The following DSCAM variants were observed in gnomAD, a reference collection of about 807,000 sequenced individuals.
DSCAM encodes DS cell adhesion molecule, also known as cell adhesion molecule DSCAM.
DSCAM carries 47 observed loss-of-function variants against 217.7 expected under a neutral mutation model. The observed-to-expected ratio is 0.22, with a 90% confidence interval of 0.17 to 0.28. The LOEUF is 0.28. DSCAM is among the 10% of genes least tolerant of loss of function. The pLI is 1.00. For synonymous variants in DSCAM, 1,056 were observed against 1,015.3 expected (o/e 1.04, Z -0.76); for missense variants, 2,080 against 2,618.3 (o/e 0.79, Z 4.49).
chr21:40,130,862 A>C (rs2090147940), intron 19 of DSCAM, among the ~76,000 whole-genome samples: 1 of 152,198 alleles, frequency 6.6e-6, no homozygotes, highest in South Asian at 2.1e-4. Context: ...TTTTAGTATG[A>C]CCAGTGACCT....
At chr21:40,295,620 A>G (rs1186038996) in intron 10 of DSCAM, among the ~76,000 whole-genome samples, 1 of 152,198 alleles carries the variant, frequency 6.6e-6, no homozygotes, top group African/African-American at 2.4e-5. Flanking sequence ...AATCAATGAT[A>G]TTATCTTTAA....
At chr21:40,739,538 G>A (rs1601195902) in intron 1 of DSCAM, among the ~76,000 whole-genome samples, 1 of 152,168 alleles carries the variant, frequency 6.6e-6, no homozygotes, top group African/African-American at 2.4e-5. Context: ...CTCTGTGTGA[G>A]TCTTTGTCCT....
At chr21:40,563,612 ACATGTTTATATATAGT>A in intron 3 of DSCAM, among the ~76,000 whole-genome samples, 1 of 146,392 alleles carries the variant, frequency 6.8e-6, no homozygotes, top group Non-Finnish European at 1.5e-5. Context: ...ATATATGTTT[ACATGTTTATATATAGT>A]TATATGTGTA....
chr21:40,824,483 T>TTC, intron 1 of DSCAM, among the ~76,000 whole-genome samples: 1 of 149,994 alleles, frequency 6.7e-6, no homozygotes, highest in Middle Eastern at 3.4e-3. Flanking sequence ...AAACATGGTT[T>TTC]TCTGCAACCT....
chr21:40,688,293 C>T (rs1352932937), intron 3 of DSCAM, among the ~76,000 whole-genome samples: 5 of 152,094 alleles, frequency 3.3e-5, no homozygotes, highest in Admixed American at 2.0e-4. Flanking sequence ...GAAACAGAAA[C>T]GGAAGGCTGG....
intron 10 of DSCAM, among the ~76,000 whole-genome samples, chr21:40,277,554 G>A (rs8128935): frequency 0.029 from 4,449 of 152,122 alleles, 204 homozygotes; most frequent in African/African-American, 0.1. Context: ...CACATTGAAT[G>A]AGGAGATCAA....
At chr21:40,507,780 T>G (rs2076221476) in intron 3 of DSCAM, among the ~76,000 whole-genome samples, 1 of 152,058 alleles carries the variant, frequency 6.6e-6, no homozygotes, top group Non-Finnish European at 1.5e-5. Flanking sequence ...ACAGCAAGAC[T>G]CTGTCTCAAA....
chr21:40,728,072 C>T (rs1340572516), intron 1 of DSCAM, among the ~76,000 whole-genome samples: 2 of 152,136 alleles, frequency 1.3e-5, no homozygotes, highest in Admixed American at 6.5e-5. Context: ...GTAAAGATGG[C>T]GGCACTTCCA....
intron 8 of DSCAM, among the ~76,000 whole-genome samples, chr21:40,320,777 G>A (rs2074250649): frequency 6.6e-6 from 1 of 152,154 alleles, no homozygotes; most frequent in Non-Finnish European, 1.5e-5. Context: ...AGAACAGTAT[G>A]AGGAAACTGC....
chr21:40,690,149 T>C (rs147418787), intron 3 of DSCAM, among the ~76,000 whole-genome samples: 130 of 152,338 alleles, frequency 8.5e-4, no homozygotes, highest in Non-Finnish European at 1.4e-3. Context: ...AGATCTCCAA[T>C]GTTTTAAACC....
chr21:40,424,082 A>G (rs2123825974), intron 3 of DSCAM, among the ~76,000 whole-genome samples: 1 of 152,332 alleles, frequency 6.6e-6, no homozygotes, highest in South Asian at 2.1e-4. Flanking sequence ...TCCTATTTTT[A>G]AATTTTGCAA....
intron 30 of DSCAM, among the ~76,000 whole-genome samples, chr21:40,048,959 G>A (rs1479524638): frequency 1.3e-5 from 2 of 148,572 alleles, no homozygotes; most frequent in Non-Finnish European, 3.0e-5. Context: ...TGGTTTTTGA[G>A]GAAGATTTAA....
intron 32 of DSCAM, among the ~76,000 whole-genome samples, chr21:40,037,911 T>C (rs983104976): frequency 1.4e-5 from 2 of 147,860 alleles, no homozygotes; most frequent in African/African-American, 5.1e-5. Flanking sequence ...AAACAAGCAA[T>C]GGGGAAAGGA....
rs867572207 is a variant in DSCAM at position 40,821,393 on chromosome 21, G to A, written c.43+25226C>T. Among the ~76,000 whole-genome samples the A allele has an allele frequency of 4.9e-3, 723 of 146,214 alleles. 1 individual carries two copies. Among genetic ancestry groups the A allele is most frequent in the East Asian group, 0.022 (107 of 4,918 alleles). Reference sequence around the variant, plus strand: ...CATGCACACACACAGACACACGCGCGCACACACACACACACACACACACAC... The same window carrying A: ...CATGCACACACACAGACACACGCGCACACACACACACACACACACACACAC... On this transcript the variant is annotated intron_variant, in intron 1 of 32. Transcript: ENST00000400454.
At chr21:40,295,553 C>G (rs2073944951) in intron 10 of DSCAM, among the ~76,000 whole-genome samples, 1 of 152,018 alleles carries the variant, frequency 6.6e-6, no homozygotes, top group Non-Finnish European at 1.5e-5. Flanking sequence ...TTAAAAAGAG[C>G]ACGCCAAGGA....
intron 3 of DSCAM, among the ~76,000 whole-genome samples, chr21:40,672,093 C>T (rs1272772300): frequency 6.6e-6 from 1 of 152,194 alleles, no homozygotes; most frequent in African/African-American, 2.4e-5. Flanking sequence ...GTCTCTCCCA[C>T]TTCTTATAAG....
rs1601302580 is a variant in DSCAM at position 40,075,174 on chromosome 21, T to C, written c.4751A>G (p.Glu1584Gly). Residue 1584 changes from glutamate to glycine, a missense_variant, in exon 27 of 33, where the codon GAA (glutamate) becomes GGA (glycine). Glu to Gly is a moderately conservative substitution (Grantham distance 98, BLOSUM62 -2). This residue lies in a region of DSCAM where 1,144 missense variants were observed against 1,421.1 expected (regional missense o/e 0.81). Transcript: ENST00000400454. Reference protein sequence around the residue: ...PPLIKSVVQNEEGLTTNEGLK... With the variant: ...PPLIKSVVQNGEGLTTNEGLK... ...CCCCTCGTTGGTCGTCAGCCCTTCTTCGTTTTGGACAACTGACTTAATGAG... is the reference window on the plus strand; with the variant it reads ...CCCCTCGTTGGTCGTCAGCCCTTCTCCGTTTTGGACAACTGACTTAATGAG... 1.2e-6 allele frequency: 2 copies of C among 1,614,198 alleles called. No homozygotes were observed. The highest frequency in any genetic ancestry group is 1.7e-6 in the Non-Finnish European group (2 of 1,180,038).
At chr21:40,725,354 TG>T (rs1011682521) in intron 1 of DSCAM, among the ~76,000 whole-genome samples, 13 of 92,142 alleles carry the variant, frequency 1.4e-4, no homozygotes, top group African/African-American at 1.2e-3. Context: ...AAAGCAGTGA[TG>T]GAAAAAAAAA....
intron 1 of DSCAM, among the ~76,000 whole-genome samples, chr21:40,729,263 T>A (rs1172481072): frequency 6.6e-6 from 1 of 152,220 alleles, no homozygotes; most frequent in Non-Finnish European, 1.5e-5. Flanking sequence ...GGAACAGAGC[T>A]GGGATTTGGT....
Sources: gnomAD v4.1 joint callset for allele counts (sites outside exome capture counted in the v4.1 genomes callset) on GRCh38, gnomAD v4.1.1 for gene constraint, gnomAD v4.1.1 regional missense constraint, MANE v1.5 for transcripts, NCBI Gene and HGNC (gene_info 2026-07-23, HGNC 2026-07-21) for gene names.